Variants in CSNK1G3 observed in about 807,000 individuals in gnomAD.
CSNK1G3 encodes casein kinase I isoform gamma-3.
CSNK1G3 carries 23 observed loss-of-function variants against 64.3 expected under a neutral mutation model. The observed-to-expected ratio is 0.36, with a 90% CI of 0.26 to 0.51. The LOEUF (loss-of-function observed/expected upper bound fraction) is 0.51, where lower values mean the gene tolerates loss of function less well. Ranked by LOEUF, CSNK1G3 falls within the 20% of genes least tolerant of loss-of-function variation. The pLI, the probability that CSNK1G3 is intolerant of heterozygous loss-of-function variation, is 0.96. For missense variants in CSNK1G3, 357 were observed against 510.5 expected (o/e 0.70, Z 2.90); for synonymous variants, 158 against 162.2 (o/e 0.97, Z 0.20).
At chr5:123,536,445 A>T (rs1455776125) in intron 1 of CSNK1G3, among the ~76,000 whole-genome samples, 3 of 151,216 alleles carry the variant, frequency 2.0e-5, no homozygotes, top group African/African-American at 7.3e-5. Context: ...TTTTTTAAAA[A>T]AAAAAGCTTC....
intron 12 of CSNK1G3, among the ~76,000 whole-genome samples, chr5:123,608,734 AAT>A (rs1472873265): frequency 6.6e-6 from 1 of 152,120 alleles, no homozygotes; most frequent in Non-Finnish European, 1.5e-5. Flanking sequence ...AAGATGTACT[AAT>A]ACTTAGGCTG....
At chr5:123,549,294 T>C (rs761347781) in intron 2 of CSNK1G3, among the ~76,000 whole-genome samples, 1 of 152,230 alleles carries the variant, frequency 6.6e-6, no homozygotes, top group Non-Finnish European at 1.5e-5. Context: ...ATTATATATG[T>C]ATTTTTATTT....
At chr5:123,538,241 T>C (rs1005243896) in intron 1 of CSNK1G3, among the ~76,000 whole-genome samples, 1 of 152,212 alleles carries the variant, frequency 6.6e-6, no homozygotes, top group African/African-American at 2.4e-5. Flanking sequence ...TTTTACTTTA[T>C]AAGAAACTGT....
At chr5:123,612,479 ATTT>A (rs200373188) in intron 12 of CSNK1G3, among the ~76,000 whole-genome samples, 2 of 138,436 alleles carry the variant, frequency 1.4e-5, no homozygotes, top group Admixed American at 7.3e-5. Flanking sequence ...ACTTGAAGCT[ATTT>A]TTTTTTTTTT....
At chr5:123,575,823 A>G in exon 6 of CSNK1G3, 2 of 1,613,742 alleles carry the variant, frequency 1.2e-6, no homozygotes, top group Non-Finnish European at 1.7e-6. Flanking sequence ...AACAAAACCC[A>G]GCAAGTTATT....
At chr5:123,605,284 G>C in intron 11 of CSNK1G3, 55 bp from the exon 13 acceptor site, 2 of 1,479,130 alleles carry the variant, frequency 1.4e-6, no homozygotes, top group South Asian at 2.5e-5. Flanking sequence ...AGCTGTTTCT[G>C]ATTCTCTCTC....
At chr5:123,605,509 G>A in intron 12 of CSNK1G3, 147 bp downstream of exon 13, 1 of 880,864 alleles carries the variant, frequency 1.1e-6, no homozygotes, top group Non-Finnish European at 1.7e-6. Context: ...ATATCATTAA[G>A]ATAGCTCTGA....
At chr5:123,558,481 C>T (rs376952767) in intron 4 of CSNK1G3, among the ~76,000 whole-genome samples, 2 of 152,058 alleles carry the variant, frequency 1.3e-5, no homozygotes, top group South Asian at 4.1e-4. Flanking sequence ...TTTTGTTTCT[C>T]CAGATTTAAT....
intron 1 of CSNK1G3, among the ~76,000 whole-genome samples, chr5:123,516,910 A>C (rs1777265779): frequency 6.6e-6 from 1 of 152,202 alleles, no homozygotes; most frequent in African/African-American, 2.4e-5. Flanking sequence ...ACCTGGAAGT[A>C]CTTTCTTCAG....
At chr5:123,565,126 GT>G (rs1224089401) in intron 4 of CSNK1G3, among the ~76,000 whole-genome samples, 2 of 152,076 alleles carry the variant, frequency 1.3e-5, no homozygotes, top group African/African-American at 4.8e-5. Context: ...AATGAGAAAA[GT>G]AACATTGTTC....
intron 10 of CSNK1G3, among the ~76,000 whole-genome samples, chr5:123,593,200 T>TACACACAC (rs775669511): frequency 1.1e-4 from 10 of 91,746 alleles, no homozygotes; most frequent in African/African-American, 1.9e-4. Context: ...TGTGTGTATA[T>TACACACAC]ATACACACAC....
rs2149860949 is a variant in CSNK1G3 at position 123,513,809 on chromosome 5, G to A, written c.-248+1239G>A. On this transcript the variant is annotated intron_variant, in intron 1 of 12. Coordinates refer to ENST00000345990, the Ensembl canonical transcript of CSNK1G3. ...ACATTACAGAAATTGTGAGAATAAT[G>A]TGGAATTAGATGTGAAACTAGTTTA... is the stretch of plus-strand genomic sequence containing the variant. Among the ~76,000 whole-genome samples the A allele has an allele frequency of 1.3e-5, 2 of 152,264 alleles. 1 individual carries two copies. Among genetic ancestry groups the A allele is most frequent in the Middle Eastern group, 6.8e-3 (2 of 294 alleles).
At chr5:123,567,774 A>G (rs1381980703) in intron 4 of CSNK1G3, among the ~76,000 whole-genome samples, 1 of 152,178 alleles carries the variant, frequency 6.6e-6, no homozygotes, top group Non-Finnish European at 1.5e-5. Context: ...GTTGGTGCAA[A>G]CATAATTGCA....
chr5:123,590,356 A>G (rs1792114492), intron 8 of CSNK1G3, 54 bp from the exon 9 acceptor site: 2 of 867,256 alleles, frequency 2.3e-6, no homozygotes, highest in South Asian at 3.1e-5. Context: ...ACTTAATTTT[A>G]TTACTGAGTA....
At chr5:123,578,245 C>T (rs1425203098) in intron 6 of CSNK1G3, among the ~76,000 whole-genome samples, 3 of 151,846 alleles carry the variant, frequency 2.0e-5, no homozygotes, top group African/African-American at 7.2e-5. Flanking sequence ...CCTGTCTGTT[C>T]TCAGGAGTGT....
rs552932716 is a variant in CSNK1G3, at chr5:123,588,182, T to A, written c.759+29T>A. The A allele has an allele frequency of 3.1e-5, 45 of 1,440,584 alleles. 1 individual carries two copies. The South Asian group carries it at 4.6e-4, about 15-fold the overall frequency. 89.2% of individuals were successfully genotyped at this position (1,440,584 alleles called of 1,614,324 possible). ...ATTGTTTTTGTGTTTCTTTATTGAA[T>A]TTCATAAAATATTAAGATATTAAGG... On this transcript the variant is annotated intron_variant, in intron 7 of 12. Coordinates refer to ENST00000345990, the Ensembl canonical transcript of CSNK1G3.
intron 12 of CSNK1G3, among the ~76,000 whole-genome samples, chr5:123,610,103 A>G (rs1796057256): frequency 6.6e-6 from 1 of 152,174 alleles, no homozygotes; most frequent in African/African-American, 2.4e-5. Flanking sequence ...ATAGGGAGGA[A>G]GAAATTGGAG....
intron 6 of CSNK1G3, among the ~76,000 whole-genome samples, chr5:123,576,323 G>C (rs1789155946): frequency 6.6e-6 from 1 of 152,136 alleles, no homozygotes; most frequent in Non-Finnish European, 1.5e-5. Context: ...TTTGGATTGA[G>C]ACCATAGCTC....
intron 12 of CSNK1G3, among the ~76,000 whole-genome samples, chr5:123,610,232 C>T (rs537006066): frequency 6.6e-6 from 1 of 152,082 alleles, no homozygotes; most frequent in South Asian, 2.1e-4. Flanking sequence ...TCAAGAGATC[C>T]AGAGATATGA....
Sources: allele counts gnomAD v4.1 joint callset (sites outside exome capture counted in the v4.1 genomes callset), GRCh38; gene constraint gnomAD v4.1.1; transcripts MANE v1.5; gene names NCBI Gene and HGNC (gene_info 2026-07-23, HGNC 2026-07-21).